Variants in GHR observed in about 807,000 individuals in gnomAD.
GHR encodes GH receptor.
Under a neutral mutation model 67.1 loss-of-function variants are expected in GHR, and 35 were observed. That is an observed-to-expected ratio of 0.52 (90% CI 0.40 to 0.69). The LOEUF (loss-of-function observed/expected upper bound fraction) is 0.69, where lower values mean the gene tolerates loss of function less well. Ranked by LOEUF, GHR falls within the 30% of genes least tolerant of loss-of-function variation. The probability of loss-of-function intolerance (pLI) is 0.00; values close to 1 mark genes in which losing one functional copy is unlikely to be tolerated. For missense variants in GHR, 792 were observed against 764.6 expected (o/e 1.04, Z -0.42); for synonymous variants, 272 against 269.1 (o/e 1.01, Z -0.10).
At chr5:42,643,006 A>G (rs1307449714) in intron 3 of GHR, among the ~76,000 whole-genome samples, 1 of 152,194 alleles carries the variant, frequency 6.6e-6, no homozygotes, top group Admixed American at 6.5e-5. Context: ...CCTAATGCAC[A>G]AGGAGCTCAA....
At chr5:42,714,590 A>C (rs17230998) in intron 8 of GHR, among the ~76,000 whole-genome samples, 6,571 of 152,264 alleles carry the variant, frequency 0.043, 193 homozygotes, top group Admixed American at 0.082. Flanking sequence ...GAATGCAGAA[A>C]GGGTTATTTT....
intron 1 of GHR, among the ~76,000 whole-genome samples, chr5:42,425,434 T>G (rs1483786644): frequency 6.6e-6 from 1 of 152,212 alleles, no homozygotes; most frequent in African/African-American, 2.4e-5. Flanking sequence ...CCAGGCTAGT[T>G]TCCACCTGAA....
chr5:42,703,356 T>C (rs1236210617), intron 6 of GHR, among the ~76,000 whole-genome samples: 1 of 152,024 alleles, frequency 6.6e-6, no homozygotes, highest in African/African-American at 2.4e-5. Context: ...GATAAATCAA[T>C]TTACTGTAAA....
intron 2 of GHR, among the ~76,000 whole-genome samples, chr5:42,587,505 C>G (rs369437335): frequency 6.6e-6 from 1 of 152,130 alleles, no homozygotes; most frequent in Non-Finnish European, 1.5e-5. Flanking sequence ...AAAGCCACCC[C>G]GAGGCTGGAA....
chr5:42,687,870 GAAAAGAAATCTCC>G (rs1757235745), intron 3 of GHR, among the ~76,000 whole-genome samples: 1 of 152,134 alleles, frequency 6.6e-6, no homozygotes, highest in Admixed American at 6.5e-5. Context: ...AGAGAAATTT[GAAAAGAAATCTCC>G]AAAATGGCCA....
intron 2 of GHR, among the ~76,000 whole-genome samples, chr5:42,606,665 G>C (rs1752644462): frequency 6.6e-6 from 1 of 152,152 alleles, no homozygotes; most frequent in African/African-American, 2.4e-5. Context: ...CCACACTGGG[G>C]ATCAAATTTC....
intron 1 of GHR, among the ~76,000 whole-genome samples, chr5:42,436,839 T>C (rs1451163403): frequency 2.6e-5 from 4 of 152,224 alleles, no homozygotes; most frequent in Admixed American, 1.3e-4. Flanking sequence ...GCCTTGGAAC[T>C]CTGGGCATGA....
chr5:42,426,486 G>A (rs186400761), intron 1 of GHR, among the ~76,000 whole-genome samples: 9 of 152,288 alleles, frequency 5.9e-5, no homozygotes, highest in African/African-American at 2.2e-4. Flanking sequence ...ACAACTATGG[G>A]AATTTGGTTT....
chr5:42,655,491 C>T (rs1755209887), intron 3 of GHR, among the ~76,000 whole-genome samples: 1 of 152,120 alleles, frequency 6.6e-6, no homozygotes, highest in Non-Finnish European at 1.5e-5. Context: ...GACTCTAAGC[C>T]TCTTGCCTCA....
At chr5:42,560,917 G>A (rs184285970) in intron 1 of GHR, among the ~76,000 whole-genome samples, 14 of 152,226 alleles carry the variant, frequency 9.2e-5, no homozygotes, top group Admixed American at 3.3e-4. Flanking sequence ...CATGAAGGGC[G>A]GCTGTACCCT....
chr5:42,430,311 C>A lies in GHR; in HGVS notation c.-12+6356C>A, dbSNP rs147681221. On this transcript the variant is annotated intron_variant, in intron 1 of 9. Transcript: ENST00000230882. ...CCAGCTAAATTGTGAATTCCCCTTG[C>A]CACCAAGCTAAGAATCTGCCACAGC... 3.1e-3 allele frequency among the ~76,000 whole-genome samples: 466 copies of A among 152,254 alleles called. 2 individuals are homozygous for A. Among genetic ancestry groups the A allele is most frequent in the African/African-American group, 0.011 (453 of 41,548 alleles).
intron 1 of GHR, among the ~76,000 whole-genome samples, chr5:42,462,342 A>T (rs1174608756): frequency 6.6e-6 from 1 of 152,184 alleles, no homozygotes; most frequent in African/African-American, 2.4e-5. Context: ...CATAGGAATG[A>T]TGAAGTCATT....
chr5:42,442,641 C>T (rs987072368), intron 1 of GHR, among the ~76,000 whole-genome samples: 1 of 152,124 alleles, frequency 6.6e-6, no homozygotes, highest in African/African-American at 2.4e-5. Context: ...GGATGCTGCA[C>T]CCCAGATCAA....
rs553589744 is a variant in GHR at position 42,643,262 on chromosome 5, A to G, written c.136+14159A>G. Among the ~76,000 whole-genome samples the G allele has an allele frequency of 6.6e-5, 10 of 152,326 alleles. No individual in the cohort carries two copies. The South Asian group carries it at 1.9e-3, about 28-fold the overall frequency. On this transcript the variant is annotated intron_variant, in intron 3 of 9. Transcript: ENST00000230882. ...AGGAGATGCAAAGCTGAAGCTAAATAGGCTTCTTTATTGCAGAACCTCTCA... is the reference window on the plus strand; with the variant it reads ...AGGAGATGCAAAGCTGAAGCTAAATGGGCTTCTTTATTGCAGAACCTCTCA...
intron 3 of GHR, among the ~76,000 whole-genome samples, chr5:42,634,768 C>T (rs1302666921): frequency 2.0e-5 from 3 of 152,250 alleles, no homozygotes; most frequent in East Asian, 1.9e-4. Context: ...TGTCATGGGT[C>T]GGTCTTGGAT....
At chr5:42,564,157 AGTGTGAGATTTATTTGAAATCTCACAAT>A (rs537251213) in intron 1 of GHR, among the ~76,000 whole-genome samples, 13 of 142,910 alleles carry the variant, frequency 9.1e-5, no homozygotes, top group African/African-American at 2.4e-4. Flanking sequence ...AATCTCACAA[AGTGTGAGATTTATTTGAAATCTCACAAT>A]GTGTGAGATT....
At chr5:42,673,589 C>A (rs950317755) in intron 3 of GHR, among the ~76,000 whole-genome samples, 1 of 152,048 alleles carries the variant, frequency 6.6e-6, no homozygotes, top group African/African-American at 2.4e-5. Context: ...TACTACACAG[C>A]AATAAAAAAG....
At chr5:42,503,498 C>A (rs894958022) in intron 1 of GHR, among the ~76,000 whole-genome samples, 1 of 152,128 alleles carries the variant, frequency 6.6e-6, no homozygotes, top group African/African-American at 2.4e-5. Context: ...TACTTTTTAG[C>A]AATGATGTGA....
chr5:42,578,596 A>G (rs1289736514), intron 2 of GHR, among the ~76,000 whole-genome samples: 1 of 152,222 alleles, frequency 6.6e-6, no homozygotes, highest in African/African-American at 2.4e-5. Flanking sequence ...AATCAGAGAA[A>G]ACCAACTGGA....
Sources: allele counts gnomAD v4.1 joint callset (sites outside exome capture counted in the v4.1 genomes callset), GRCh38; gene constraint gnomAD v4.1.1; transcripts MANE v1.5; gene names NCBI Gene and HGNC (gene_info 2026-07-23, HGNC 2026-07-21).